Variants in PAX2 observed in about 807,000 individuals in gnomAD.
PAX2 encodes the protein paired box protein Pax-2.
PAX2 carries 9 observed loss-of-function variants against 41.7 expected under a neutral mutation model. The observed-to-expected ratio is 0.22, with a 90% confidence interval of 0.13 to 0.38. The LOEUF (loss-of-function observed/expected upper bound fraction) is 0.38. Among genes scored for constraint, PAX2 ranks in the 10% least tolerant of loss-of-function variants. The pLI is 1.00. For missense variants in PAX2, 418 were observed against 531.6 expected, an observed-to-expected ratio of 0.79 and a Z score of 2.10; for synonymous variants, 221 against 212.7, an observed-to-expected ratio of 1.04 and a Z score of -0.34.
intron 3 of PAX2, among the ~76,000 whole-genome samples, chr10:100,751,121 G>A (rs146651747): frequency 2.4e-4 from 36 of 152,290 alleles, no homozygotes; most frequent in Non-Finnish European, 3.7e-4. Flanking sequence ...TTCTCCCGCC[G>A]GCGTCCTGGA....
At chr10:100,739,195 C>A (rs904290830) in intron 1 of PAX2, among the ~76,000 whole-genome samples, 4 of 152,100 alleles carry the variant, frequency 2.6e-5, no homozygotes, top group Non-Finnish European at 5.9e-5. Flanking sequence ...CAGGCGGGTC[C>A]CACGACGCCC....
At chr10:100,773,178 A>T (rs1846270991) in intron 3 of PAX2, among the ~76,000 whole-genome samples, 1 of 152,244 alleles carries the variant, frequency 6.6e-6, no homozygotes, top group South Asian at 2.1e-4. Flanking sequence ...AATAAGCCTT[A>T]TGTGCAAAAT....
At chr10:100,747,634 T>G in intron 1 of PAX2, 1 of 984,932 alleles carries the variant, frequency 1.0e-6, no homozygotes, top group Non-Finnish European at 1.2e-6. Flanking sequence ...AGCTGTGTTT[T>G]TCGCTAATCA....
chr10:100,799,987 A>T (rs1847494021), intron 5 of PAX2, among the ~76,000 whole-genome samples: 1 of 151,752 alleles, frequency 6.6e-6, no homozygotes, highest in African/African-American at 2.4e-5. Flanking sequence ...GGGTTTTACC[A>T]TGTTGGCCAG....
chr10:100,795,137 C>G (rs972979080), intron 5 of PAX2, among the ~76,000 whole-genome samples: 1 of 152,226 alleles, frequency 6.6e-6, no homozygotes, highest in African/African-American at 2.4e-5. Flanking sequence ...TTCATCTTGT[C>G]CATTATGCTA....
rs200392872 is a variant in PAX2, at chr10:100,747,480, CT to C, written c.43+1187del. 1,312 of 292,084 alleles carry C rather than the reference CT, an allele frequency of 4.5e-3. 1 individual carries two copies. The highest frequency in any genetic ancestry group is 5.7e-3 in the Non-Finnish European group (1,131 of 198,880). The allele number at this position is 292,084 out of a possible 1,614,324, so 18.1% of individuals were successfully genotyped here. On this transcript the variant is annotated intron_variant, in intron 1 of 9. Coordinates refer to ENST00000355243, the MANE Select transcript of PAX2 (RefSeq NM_000278.5). Reference sequence around the variant, plus strand: ...ACTATTCTGAGATTTTTTTTGCAGGCTTTTTTTTTTAAAAGCTAAAATTCTA... The same window carrying C: ...ACTATTCTGAGATTTTTTTTGCAGGCTTTTTTTTTAAAAGCTAAAATTCTA...
chr10:100,790,893 G>A (rs1847089760), intron 5 of PAX2, among the ~76,000 whole-genome samples: 1 of 152,152 alleles, frequency 6.6e-6, no homozygotes, highest in Non-Finnish European at 1.5e-5. Context: ...CTGGCTCAGG[G>A]GCTGCGAGAC....
intron 1 of PAX2, among the ~76,000 whole-genome samples, chr10:100,739,402 C>A (rs1035828090): frequency 2.0e-5 from 3 of 152,238 alleles, no homozygotes; most frequent in African/African-American, 7.2e-5. Flanking sequence ...CCGCCTGCTC[C>A]TCACATCCAC....
intron 5 of PAX2, among the ~76,000 whole-genome samples, chr10:100,800,463 A>G (rs1357291700): frequency 6.6e-6 from 1 of 151,592 alleles, no homozygotes; most frequent in Admixed American, 6.6e-5. Flanking sequence ...TTTTGTAAAG[A>G]TGAGTCTCGC....
At chr10:100,797,781 C>T (rs1280104289) in intron 5 of PAX2, among the ~76,000 whole-genome samples, 5 of 152,144 alleles carry the variant, frequency 3.3e-5, no homozygotes, top group Admixed American at 2.6e-4. Flanking sequence ...TCCAGAAAAG[C>T]TCAGGAGATT....
intron 5 of PAX2, among the ~76,000 whole-genome samples, chr10:100,798,738 C>T (rs1392791113): frequency 6.6e-6 from 1 of 152,094 alleles, no homozygotes; most frequent in East Asian, 1.9e-4. Context: ...CCTTGTGACT[C>T]CCCCACCCAA....
intron 1 of PAX2, among the ~76,000 whole-genome samples, chr10:100,746,646 GC>G (rs1171639012): frequency 6.6e-6 from 1 of 152,206 alleles, no homozygotes; most frequent in Admixed American, 6.5e-5. Context: ...TCAGCCTCTT[GC>G]CCTGGGCTGG....
At chr10:100,805,920 A>T (rs973123347) in intron 5 of PAX2, among the ~76,000 whole-genome samples, 3 of 152,048 alleles carry the variant, frequency 2.0e-5, no homozygotes, top group African/African-American at 4.8e-5. Context: ...GGCGAAGTTG[A>T]TTACTTCACC....
chr10:100,817,833 T>C (rs1848241607), intron 7 of PAX2, among the ~76,000 whole-genome samples: 1 of 152,210 alleles, frequency 6.6e-6, no homozygotes, highest in South Asian at 2.1e-4. Context: ...AAAGGAAATA[T>C]GTAGATAGTT....
intron 5 of PAX2, among the ~76,000 whole-genome samples, chr10:100,804,732 C>G (rs572298697): frequency 2.6e-5 from 4 of 152,288 alleles, no homozygotes; most frequent in East Asian, 1.9e-4. Flanking sequence ...TGTACAAGCG[C>G]GTAGACACGC....
intron 5 of PAX2, among the ~76,000 whole-genome samples, chr10:100,794,965 T>G (rs891769902): frequency 6.6e-6 from 1 of 152,246 alleles, no homozygotes; most frequent in Non-Finnish European, 1.5e-5. Context: ...TAAGGATGTC[T>G]TCTATATCAT....
intron 7 of PAX2, among the ~76,000 whole-genome samples, chr10:100,819,539 C>T (rs1180482853): frequency 6.6e-6 from 1 of 152,142 alleles, no homozygotes; most frequent in Non-Finnish European, 1.5e-5. Flanking sequence ...CACTGCTCTC[C>T]AGCCTGGGTG....
chr10:100,808,970 C>T (rs916020817), intron 6 of PAX2, 140 bp from the exon 7 acceptor site: 5 of 793,284 alleles, frequency 6.3e-6, no homozygotes, highest in African/African-American at 3.4e-5. Context: ...TCCACCAAGC[C>T]CCCGCATCTC....
At chr10:100,793,606 C>T (rs936252152) in intron 5 of PAX2, among the ~76,000 whole-genome samples, 3 of 152,180 alleles carry the variant, frequency 2.0e-5, no homozygotes, top group South Asian at 4.1e-4. Context: ...TGGTACAATT[C>T]CCCGGGGTTC....
Sources: gnomAD v4.1 joint callset for allele counts (sites outside exome capture counted in the v4.1 genomes callset) on GRCh38, gnomAD v4.1.1 for gene constraint, MANE v1.5 for transcripts, NCBI Gene and HGNC (gene_info 2026-07-23, HGNC 2026-07-21) for gene names.